The following BRD1 variants were observed in gnomAD, a reference collection of about 807,000 sequenced individuals.
BRD1 encodes the protein bromodomain-containing protein 1.
BRD1 carries 24 observed loss-of-function variants against 107.7 expected under a neutral mutation model. The observed-to-expected ratio is 0.22, with a 90% CI of 0.16 to 0.31. BRD1 has a LOEUF of 0.31. Ranked by LOEUF, BRD1 falls within the 10% of genes least tolerant of loss-of-function variation. BRD1 has a pLI of 1.00. For synonymous variants in BRD1, 744 were observed against 686.1 expected (o/e 1.08, Z -1.32); for missense variants, 1,279 against 1,638.6 (o/e 0.78, Z 3.79).
chr22:49,787,590 CAGAAG>C lies in BRD1; in HGVS notation c.2652_2656del (p.Phe885GlnfsTer15). ...TGGGGGGCTTACACTTTTCGATTTG[CAGAAG>C]AGAACAGAAGTGCGTCTGTTTACAT... On this transcript the variant is annotated frameshift_variant, in exon 8 of 13. Coordinates refer to ENST00000404760, the MANE Select transcript of BRD1 (RefSeq NM_001304808.3). LOFTEE classifies it high-confidence loss of function. The C allele has an allele frequency of 6.4e-7, 1 of 1,557,396 alleles. No individual in the cohort carries two copies. Among genetic ancestry groups the C allele is most frequent in the Non-Finnish European group, 8.7e-7 (1 of 1,150,180 alleles).
intron 2 of BRD1, among the ~76,000 whole-genome samples, chr22:49,813,173 T>C (rs1272129935): frequency 2.0e-5 from 3 of 152,202 alleles, no homozygotes; most frequent in Admixed American, 6.5e-5. Context: ...AGTGGATCAT[T>C]TGAGCTCAGG....
chr22:49,826,124 G>A, intron 1 of BRD1: 1 of 965,168 alleles, frequency 1.0e-6, no homozygotes, highest in South Asian at 4.8e-5. Context: ...TACTGAGGTG[G>A]GGCAGAAGCA....
intron 2 of BRD1, among the ~76,000 whole-genome samples, chr22:49,820,063 G>A (rs2060035559): frequency 1.3e-5 from 2 of 152,154 alleles, no homozygotes; most frequent in Middle Eastern, 3.4e-3. Flanking sequence ...CCAGGAGGTG[G>A]AGGTTGCAGT....
chr22:49,826,343 G>A (rs932225727), intron 1 of BRD1: 42 of 849,316 alleles, frequency 4.9e-5, no homozygotes, highest in Non-Finnish European at 1.1e-5. Context: ...ATGCAACTGG[G>A]ACCCGGGGAA....
At position 49,780,927 on chromosome 22, in the gene BRD1, C is replaced by T. The variant is rs371711466; in HGVS notation, c.2858-3114G>A. On this transcript the variant is annotated intron_variant, in intron 8 of 12. Transcript: ENST00000404760. ...CGGTCCATGAGGCATTTGCAAACAG[C>T]AGGCACTGAGGCCGAGCCCAAGCCT... 9.6e-4 allele frequency among the ~76,000 whole-genome samples: 147 copies of T among 152,364 alleles called. 1 individual carries two copies. In the Middle Eastern group the frequency reaches 0.017, roughly 18 times the overall value.
Position 49,824,502 on chromosome 22 carries a change from C to T in BRD1, c.-14-171G>A. 4 of 1,424,610 alleles carry T rather than the reference C, an allele frequency of 2.8e-6. No homozygotes were observed. Among genetic ancestry groups the T allele is most frequent in the Non-Finnish European group, 2.7e-6 (3 of 1,094,778 alleles). 88.2% of individuals were successfully genotyped at this position (1,424,610 alleles called of 1,614,324 possible). On this transcript the variant is annotated intron_variant, in intron 1 of 12. Coordinates refer to ENST00000404760, the MANE Select transcript of BRD1 (RefSeq NM_001304808.3). The surrounding 1 kb of genome is among the most constrained non-coding windows in gnomAD (Gnocchi z 5.9). ...CCAAAACCACACATCCAGGCCTGAG[C>T]GAGTCCCCAGGACCAGGGAGGGAGC...
chr22:49,775,507 T>C, intron 12 of BRD1, 84 bp downstream of exon 12: 2 of 1,241,748 alleles, frequency 1.6e-6, no homozygotes, highest in Non-Finnish European at 2.1e-6. Context: ...AAGACGCTGC[T>C]CACCACAGGG....
intron 2 of BRD1, among the ~76,000 whole-genome samples, chr22:49,815,652 T>C (rs2147319624): frequency 6.6e-6 from 1 of 152,208 alleles, no homozygotes; most frequent in African/African-American, 2.4e-5. Context: ...TGTTGTGAGC[T>C]GCCAGCTACA....
At position 49,794,047 on chromosome 22, in the gene BRD1, C is replaced by A; in HGVS notation, c.2346G>T (p.Glu782Asp). 1 of 1,612,932 alleles carries A rather than the reference C, an allele frequency of 6.2e-7. No individual in the cohort carries two copies. Among genetic ancestry groups the A allele is most frequent in the Non-Finnish European group, 8.5e-7 (1 of 1,179,406 alleles). The change falls in exon 7 of 13, where the codon GAG becomes GAT. Residue 782 changes from glutamate to aspartate, a missense_variant. By Grantham distance (45) the Glu-to-Asp change is conservative. Coordinates refer to ENST00000404760, the MANE Select transcript of BRD1 (RefSeq NM_001304808.3). ...FEEDGAALGP[E>D]AGEEGDKSPP... ...ACCGTGGCTTACCTTCCTCGCCCGC[C>A]TCCGGCCCCAGCGCAGCTCCGTCCT...
chr22:49,811,256 T>C (rs1601711855), intron 2 of BRD1, among the ~76,000 whole-genome samples: 2 of 151,556 alleles, frequency 1.3e-5, no homozygotes, highest in African/African-American at 4.9e-5. Flanking sequence ...GATGAGAAGG[T>C]GGGAAGTTGG....
At chr22:49,781,518 A>C (rs1232190540) in intron 8 of BRD1, among the ~76,000 whole-genome samples, 1 of 152,208 alleles carries the variant, frequency 6.6e-6, no homozygotes, top group East Asian at 1.9e-4. Flanking sequence ...AGGTGTAAGA[A>C]CACCAGGCCC....
At position 49,792,355 on chromosome 22, in the gene BRD1, A is replaced by T. The variant is rs984903001; in HGVS notation, c.2359+1679T>A. Among the ~76,000 whole-genome samples, 10 of 152,180 alleles carry T rather than the reference A, an allele frequency of 6.6e-5. No individual in the cohort carries two copies. The highest frequency in any genetic ancestry group is 2.4e-4 in the African/African-American group (10 of 41,446). On this transcript the variant is annotated intron_variant, in intron 7 of 12. Coordinates refer to ENST00000404760, the MANE Select transcript of BRD1 (RefSeq NM_001304808.3). The surrounding 1 kb of genome is among the most constrained non-coding windows in gnomAD (Gnocchi z 4.2). ...ACAGAAGGGCAGTCCACCTAGAGGG[A>T]GGCCCACACAGCCAGAGGATGCCTC...
intron 3 of BRD1, 32 bp downstream of exon 3, chr22:49,804,172 C>T: frequency 6.5e-7 from 1 of 1,534,806 alleles, no homozygotes; most frequent in Non-Finnish European, 8.8e-7. Flanking sequence ...GTGAGAGACG[C>T]AGAAAGGCTG....
intron 7 of BRD1, among the ~76,000 whole-genome samples, chr22:49,790,033 C>T (rs1376025812): frequency 1.3e-5 from 2 of 152,222 alleles, no homozygotes; most frequent in Non-Finnish European, 2.9e-5. Context: ...ACATGCAGGC[C>T]GGGCTCCAGC....
intron 2 of BRD1, among the ~76,000 whole-genome samples, chr22:49,812,103 CCTT>C (rs201018378): frequency 7.7e-6 from 1 of 129,492 alleles, no homozygotes. Flanking sequence ...ACAGTCTGCT[CCTT>C]TTTTTTTTTT....
At chr22:49,786,424 C>T (rs907477198) in intron 8 of BRD1, among the ~76,000 whole-genome samples, 3 of 152,204 alleles carry the variant, frequency 2.0e-5, no homozygotes, top group African/African-American at 7.2e-5. Flanking sequence ...AGCACACACA[C>T]GGCAACACCC....
intron 2 of BRD1, among the ~76,000 whole-genome samples, chr22:49,813,949 G>C (rs1190373777): frequency 1.3e-5 from 2 of 152,160 alleles, no homozygotes; most frequent in African/African-American, 4.8e-5. Flanking sequence ...TGGGGAAAGG[G>C]TGATAAATTT....
intron 7 of BRD1, among the ~76,000 whole-genome samples, chr22:49,790,988 C>T (rs191419028): frequency 4.6e-5 from 7 of 152,390 alleles, no homozygotes; most frequent in Admixed American, 1.3e-4. Context: ...ATGCAAGCCC[C>T]TTTCACCAGC....
intron 8 of BRD1, among the ~76,000 whole-genome samples, chr22:49,784,960 TGA>T (rs1234128269): frequency 6.6e-6 from 1 of 152,104 alleles, no homozygotes; most frequent in Non-Finnish European, 1.5e-5. Flanking sequence ...CACTCGGAAA[TGA>T]GAGAGCAGAA....
Sources: allele counts gnomAD v4.1 joint callset (sites outside exome capture counted in the v4.1 genomes callset), GRCh38; gene constraint gnomAD v4.1.1; non-coding constraint Gnocchi (gnomAD v3.1); transcripts MANE v1.5; gene names NCBI Gene and HGNC (gene_info 2026-07-23, HGNC 2026-07-21).